Variants in SH3RF3 observed in about 807,000 individuals in gnomAD.
SH3RF3 encodes SH3 domain containing ring finger 3.
In SH3RF3, 29 loss-of-function variants were observed where a neutral mutation model predicts 66.3. The observed-to-expected ratio is 0.44, with a 90% CI of 0.33 to 0.60. SH3RF3 has a LOEUF of 0.60. SH3RF3 is among the 20% of genes least tolerant of loss of function. The pLI is 0.04. For missense variants in SH3RF3, 1,194 were observed against 1,190.9 expected (o/e 1.00, Z -0.04); for synonymous variants, 583 against 532.0 (o/e 1.10, Z -1.32).
chr2:109,288,868 G>C (rs929067983), intron 1 of SH3RF3, among the ~76,000 whole-genome samples: 5 of 152,064 alleles, frequency 3.3e-5, no homozygotes, highest in African/African-American at 1.2e-4. Context: ...AAAACAGATG[G>C]GTGTTCCGTA....
intron 1 of SH3RF3, among the ~76,000 whole-genome samples, chr2:109,206,645 CA>C (rs939116466): frequency 2.0e-5 from 3 of 149,788 alleles, no homozygotes; most frequent in South Asian, 2.1e-4. Flanking sequence ...CCTGTCTCTA[CA>C]AAAAAAAAAT....
chr2:109,421,505 C>T (rs942614442), intron 5 of SH3RF3, among the ~76,000 whole-genome samples: 5 of 152,246 alleles, frequency 3.3e-5, no homozygotes. Context: ...TGTGAATATT[C>T]TGGAGGCCTC....
At chr2:109,335,980 G>A (rs1248365370) in intron 1 of SH3RF3, among the ~76,000 whole-genome samples, 5 of 152,222 alleles carry the variant, frequency 3.3e-5, no homozygotes, top group African/African-American at 1.2e-4. Context: ...ATAGCACGAT[G>A]TTGTCGAGAC....
chr2:109,460,351 G>A (rs1678178460), intron 8 of SH3RF3, among the ~76,000 whole-genome samples: 1 of 152,220 alleles, frequency 6.6e-6, no homozygotes, highest in African/African-American at 2.4e-5. Context: ...CCAGGTGGAT[G>A]CTGACCATCT....
At chr2:109,400,592 T>TACACAC (rs1233819960) in intron 4 of SH3RF3, among the ~76,000 whole-genome samples, 3 of 131,942 alleles carry the variant, frequency 2.3e-5, no homozygotes, top group South Asian at 2.5e-4. Flanking sequence ...CACACACACT[T>TACACAC]GTGAACTTAT....
At chr2:109,490,486 G>GA (rs1679100759) in intron 8 of SH3RF3, 119 bp from the exon 9 acceptor site, 1 of 927,172 alleles carries the variant, frequency 1.1e-6, no homozygotes, top group Non-Finnish European at 1.5e-6. Context: ...TCTTTTGTCT[G>GA]AAAAAATAAG....
chr2:109,378,022 C>G (rs1300898036), intron 3 of SH3RF3, among the ~76,000 whole-genome samples: 1 of 152,248 alleles, frequency 6.6e-6, no homozygotes, highest in Non-Finnish European at 1.5e-5. Context: ...GTTGGATTTG[C>G]CATTTTACCT....
chr2:109,198,531 A>G (rs1678561201), intron 1 of SH3RF3, among the ~76,000 whole-genome samples: 1 of 152,178 alleles, frequency 6.6e-6, no homozygotes, highest in Admixed American at 6.5e-5. Context: ...AACAGCAGAC[A>G]TCGATTTCTG....
In SH3RF3 at chr2:109,167,608, G is replaced by C. The variant is rs754298418; in HGVS notation, c.573+37495G>C. On this transcript the variant is annotated intron_variant, in intron 1 of 9. Coordinates refer to ENST00000309415, the MANE Select transcript of SH3RF3 (RefSeq NM_001099289.3). ...TTTATTTTTGAGACAGTGTTGCTCT[G>C]TCACCCAGGCTGGAGTGCAGCGGCA... Among the ~76,000 whole-genome samples the C allele has an allele frequency of 5.3e-4, 81 of 152,276 alleles. No homozygotes were observed. The Middle Eastern group carries it at 0.014, about 26-fold the overall frequency.
intron 4 of SH3RF3, among the ~76,000 whole-genome samples, chr2:109,417,717 C>A (rs931482781): frequency 6.6e-6 from 1 of 152,172 alleles, no homozygotes; most frequent in Non-Finnish European, 1.5e-5. Flanking sequence ...TTCTGCCAGG[C>A]GCACTGGGTT....
At chr2:109,333,059 T>C (rs1682324955) in intron 1 of SH3RF3, among the ~76,000 whole-genome samples, 1 of 152,240 alleles carries the variant, frequency 6.6e-6, no homozygotes, top group Non-Finnish European at 1.5e-5. Context: ...GCAGAGCTGC[T>C]CACTGCCTGG....
At chr2:109,349,038 A>T (rs548263657) in intron 2 of SH3RF3, among the ~76,000 whole-genome samples, 16 of 151,756 alleles carry the variant, frequency 1.1e-4, no homozygotes, top group Middle Eastern at 3.4e-3. Context: ...TCTCTCTCTC[A>T]CACACACACG....
chr2:109,182,021 A>G (rs993071210), intron 1 of SH3RF3, among the ~76,000 whole-genome samples: 4 of 152,178 alleles, frequency 2.6e-5, no homozygotes, highest in African/African-American at 9.7e-5. Context: ...TTGAACTTCA[A>G]AAAAATTATC....
chr2:109,294,464 G>A (rs997590823), intron 1 of SH3RF3, among the ~76,000 whole-genome samples: 2 of 151,574 alleles, frequency 1.3e-5, no homozygotes, highest in African/African-American at 4.9e-5. Flanking sequence ...AGGAGGCTGA[G>A]GCACAAGAAT....
intron 1 of SH3RF3, among the ~76,000 whole-genome samples, chr2:109,177,653 G>A (rs572249674): frequency 9.2e-4 from 140 of 152,256 alleles, no homozygotes; most frequent in African/African-American, 3.1e-3. Flanking sequence ...AGATGATAGT[G>A]TCTAGACCAC....
intron 1 of SH3RF3, among the ~76,000 whole-genome samples, chr2:109,136,145 A>G (rs569880776): frequency 3.7e-4 from 56 of 152,106 alleles, no homozygotes; most frequent in African/African-American, 7.5e-4. Flanking sequence ...CAGTTTTGCA[A>G]TTGTTTCTAG....
intron 1 of SH3RF3, among the ~76,000 whole-genome samples, chr2:109,138,656 C>G (rs960166064): frequency 7.9e-5 from 12 of 152,198 alleles, no homozygotes; most frequent in Middle Eastern, 3.2e-3. Flanking sequence ...GTCACTCTTC[C>G]TCTGGGTCTG....
At chr2:109,224,593 C>T (rs568938594) in intron 1 of SH3RF3, among the ~76,000 whole-genome samples, 5 of 152,326 alleles carry the variant, frequency 3.3e-5, no homozygotes, top group African/African-American at 9.6e-5. Context: ...CGCAGTGGCT[C>T]ACACCTGTAA....
At chr2:109,285,998 A>G (rs1357387850) in intron 1 of SH3RF3, among the ~76,000 whole-genome samples, 1 of 152,212 alleles carries the variant, frequency 6.6e-6, no homozygotes, top group Non-Finnish European at 1.5e-5. Flanking sequence ...AGGATAAGCC[A>G]GGACACATCA....
Sources: gnomAD v4.1 joint callset for allele counts (sites outside exome capture counted in the v4.1 genomes callset) on GRCh38, gnomAD v4.1.1 for gene constraint, MANE v1.5 for transcripts, NCBI Gene and HGNC (gene_info 2026-07-23, HGNC 2026-07-21) for gene names.